ZEB1: variants seen among roughly 807,000 people sequenced by gnomAD.
ZEB1 encodes the protein zinc finger E-box-binding homeobox 1.
ZEB1 carries 21 observed loss-of-function variants against 84.9 expected under a neutral mutation model. The observed-to-expected ratio is 0.25, with a 90% CI of 0.18 to 0.36. The LOEUF is 0.36. Ranked by LOEUF, ZEB1 falls within the 10% of genes least tolerant of loss-of-function variation. ZEB1 has a pLI of 1.00. For synonymous variants in ZEB1, 420 were observed against 471.1 expected (o/e 0.89, Z 1.41); for missense variants, 1,104 against 1,330.2 (o/e 0.83, Z 2.65).
chr10:31,520,981 A>G lies in ZEB1; in HGVS notation c.1649A>G (p.His550Arg). 1 of 1,614,104 alleles carries G rather than the reference A, an allele frequency of 6.2e-7. No homozygotes were observed. The highest frequency in any genetic ancestry group is 8.5e-7 in the Non-Finnish European group (1 of 1,179,988). ...GDINALPELKHYDLKQPTQPP... is the reference protein window; with the variant it reads ...GDINALPELKRYDLKQPTQPP... ...ATTAATGCACTTCCAGAATTAAAGC[A>G]CTATGACCTAAAGCAGCCTACTCAG... Residue 550 changes from histidine (H) to arginine (R), a missense_variant, in exon 7 of 9, where the codon CAC becomes CGC. By Grantham distance (29) the His-to-Arg change is conservative. Coordinates refer to ENST00000424869, the MANE Select transcript of ZEB1 (RefSeq NM_001174096.2). This position sits in a 1 kb window ranked among gnomAD's most constrained non-coding sequence, Gnocchi z 5.1.
At chr10:31,473,223 A>G (rs1252128343) in intron 2 of ZEB1, among the ~76,000 whole-genome samples, 3 of 150,836 alleles carry the variant, frequency 2.0e-5, no homozygotes, top group Non-Finnish European at 4.4e-5. Context: ...ATTAGGCAGG[A>G]GAAGGAAATA....
chr10:31,514,057 G>A (rs2070616041), intron 5 of ZEB1, among the ~76,000 whole-genome samples: 1 of 152,000 alleles, frequency 6.6e-6, no homozygotes, highest in South Asian at 2.1e-4. Context: ...ACATTTGGCT[G>A]AAAAAACTGG....
chr10:31,504,691 T>C (rs551640633), intron 4 of ZEB1, among the ~76,000 whole-genome samples: 2 of 152,202 alleles, frequency 1.3e-5, no homozygotes, highest in Admixed American at 1.3e-4. Context: ...AATTTATCCC[T>C]AGGTATTTTA....
intron 1 of ZEB1, among the ~76,000 whole-genome samples, chr10:31,360,068 G>A (rs1019723635): frequency 3.9e-5 from 6 of 152,150 alleles, no homozygotes; most frequent in African/African-American, 1.2e-4. Flanking sequence ...AATAAAGTAA[G>A]AGAAAGAATG....
At chr10:31,346,310 G>A (rs2040302070) in intron 1 of ZEB1, among the ~76,000 whole-genome samples, 1 of 152,102 alleles carries the variant, frequency 6.6e-6, no homozygotes, top group Admixed American at 6.6e-5. Flanking sequence ...TTAAGTAACT[G>A]GATAGTTGGT....
chr10:31,433,971 A>G (rs758746985), intron 1 of ZEB1, among the ~76,000 whole-genome samples: 5 of 151,492 alleles, frequency 3.3e-5, no homozygotes, highest in South Asian at 2.1e-4. Context: ...TTTAGTTCAA[A>G]TAAGTTAAAG....
intron 1 of ZEB1, among the ~76,000 whole-genome samples, chr10:31,414,244 A>G (rs1384933591): frequency 1.3e-5 from 2 of 152,234 alleles, no homozygotes; most frequent in African/African-American, 4.8e-5. Context: ...CTTTAATTGT[A>G]CATGTTACTT....
intron 1 of ZEB1, among the ~76,000 whole-genome samples, chr10:31,414,020 T>A (rs1273357881): frequency 6.6e-6 from 1 of 152,176 alleles, no homozygotes; most frequent in African/African-American, 2.4e-5. Context: ...TGATGGCACA[T>A]CCAAGCACTA....
At chr10:31,464,720 A>G (rs540514593) in intron 2 of ZEB1, among the ~76,000 whole-genome samples, 1 of 152,206 alleles carries the variant, frequency 6.6e-6, no homozygotes, top group Non-Finnish European at 1.5e-5. Context: ...AGAAAGTGGG[A>G]TGATATATTC....
chr10:31,331,168 C>T (rs1477862300), intron 1 of ZEB1, among the ~76,000 whole-genome samples: 1 of 141,650 alleles, frequency 7.1e-6, no homozygotes, highest in Non-Finnish European at 1.5e-5. Flanking sequence ...TTCACTGCAA[C>T]CTCCGCCTCC....
intron 1 of ZEB1, among the ~76,000 whole-genome samples, chr10:31,328,975 A>G (rs988364171): frequency 2.6e-5 from 4 of 151,908 alleles, no homozygotes; most frequent in Admixed American, 6.6e-5. Context: ...TTCTAAGCCA[A>G]AAGTTAAAAC....
At chr10:31,482,946 G>A (rs1049034172) in intron 2 of ZEB1, among the ~76,000 whole-genome samples, 4 of 151,972 alleles carry the variant, frequency 2.6e-5, no homozygotes, top group African/African-American at 9.7e-5. Context: ...AAAGTTTTTT[G>A]TACTTTTCCT....
intron 1 of ZEB1, among the ~76,000 whole-genome samples, chr10:31,441,356 G>T (rs1245345552): frequency 6.6e-6 from 1 of 152,212 alleles, no homozygotes; most frequent in African/African-American, 2.4e-5. Flanking sequence ...CTAGCCATAT[G>T]TGGAAAGCTG....
intron 6 of ZEB1, among the ~76,000 whole-genome samples, chr10:31,516,394 GAA>G (rs2071100866): frequency 6.6e-6 from 1 of 151,698 alleles, no homozygotes; most frequent in Non-Finnish European, 1.5e-5. Context: ...GAAAAATTAA[GAA>G]ACACTAACAT....
chr10:31,495,879 A>T (rs769659228), intron 3 of ZEB1, 41 bp downstream of exon 3: 1 of 1,609,124 alleles, frequency 6.2e-7, no homozygotes, highest in East Asian at 2.2e-5. Context: ...AGCCTTTAAA[A>T]GAAGGTCTTT....
chr10:31,349,686 T>C (rs1017502689), intron 1 of ZEB1, among the ~76,000 whole-genome samples: 1 of 152,246 alleles, frequency 6.6e-6, no homozygotes, highest in Non-Finnish European at 1.5e-5. Context: ...CTGAGCACTA[T>C]TTCATATACC....
intron 1 of ZEB1, among the ~76,000 whole-genome samples, chr10:31,370,620 T>C (rs2045526634): frequency 6.6e-6 from 1 of 152,234 alleles, no homozygotes; most frequent in South Asian, 2.1e-4. Context: ...ATGAATTGAC[T>C]TTTTGCAATT....
chr10:31,509,782 A>C (rs767158207), intron 4 of ZEB1, among the ~76,000 whole-genome samples: 6 of 152,224 alleles, frequency 3.9e-5, no homozygotes, highest in Non-Finnish European at 7.4e-5. Context: ...ATATCACTTA[A>C]TTTATTTCAT....
intron 1 of ZEB1, among the ~76,000 whole-genome samples, chr10:31,460,744 C>T (rs1340617533): frequency 1.3e-5 from 2 of 152,042 alleles, no homozygotes; most frequent in African/African-American, 4.8e-5. Context: ...AGTGGTAGAA[C>T]TCTTATTTCA....
Sources: gnomAD v4.1 joint callset for allele counts (sites outside exome capture counted in the v4.1 genomes callset) on GRCh38, gnomAD v4.1.1 for gene constraint, Gnocchi (gnomAD v3.1) non-coding constraint, MANE v1.5 for transcripts, NCBI Gene and HGNC (gene_info 2026-07-23, HGNC 2026-07-21) for gene names.